CD3G: variants seen among roughly 807,000 people sequenced by gnomAD.
CD3G encodes CD3 gamma subunit of T-cell receptor complex, also known as T-cell surface glycoprotein CD3 gamma chain.
CD3G carries 24 observed loss-of-function variants against 28.3 expected under a neutral mutation model. That is an observed-to-expected ratio of 0.85 (90% CI 0.61 to 1.19). The LOEUF (loss-of-function observed/expected upper bound fraction) is 1.19. Ranked by LOEUF, CD3G falls within the 50% of genes most tolerant of loss-of-function variation. The pLI, the probability that CD3G is intolerant of heterozygous loss-of-function variation, is 0.00. For missense variants in CD3G, 211 were observed against 210.0 expected, an observed-to-expected ratio of 1.00 and a Z score of -0.03; for synonymous variants, 71 against 75.9, an observed-to-expected ratio of 0.93 and a Z score of 0.34.
rs1279061977 is a variant in CD3G at position 118,351,107 on chromosome 11, GA to G, written c.439+426del. ...GGAGGCTGAGGCAGGAGAATGGCAT[GA>G]ACCCGGGAGGCGGAGCTTGCGTGAG... On this transcript the variant is annotated intron_variant, in intron 4 of 6. Coordinates refer to ENST00000532917, the MANE Select transcript of CD3G (RefSeq NM_000073.3). Among the ~76,000 whole-genome samples, 5 of 144,896 alleles carry G rather than the reference GA, an allele frequency of 3.5e-5. No individual in the cohort carries two copies. The East Asian group carries it at 6.3e-4, about 18-fold the overall frequency.
intron 6 of CD3G, 53 bp downstream of exon 6, chr11:118,352,540 G>A (rs920088786): frequency 8.3e-6 from 10 of 1,199,898 alleles, no homozygotes; most frequent in Admixed American, 5.0e-5. Flanking sequence ...AACTGCCCTC[G>A]CAATTGCTTC....
rs748491126 is a variant in CD3G, at chr11:118,349,045, T to G, written c.74T>G (p.Ile25Ser). 1 of 1,614,172 alleles carries G rather than the reference T, an allele frequency of 6.2e-7. No individual in the cohort carries two copies. Among genetic ancestry groups the G allele is most frequent in the South Asian group, 1.1e-5 (1 of 91,082 alleles). ...TTTACAGGTACTTTGGCCCAGTCAA[T>G]CAAAGGTAGGAGAAATGGCTTCTTT... ...ILLQGTLAQS[I>S]KGNHLVKVYD... Residue 25 changes from isoleucine (I) to serine (S), a missense_variant, in exon 2 of 7, where the codon ATC becomes AGC. Coordinates refer to ENST00000532917, the MANE Select transcript of CD3G (RefSeq NM_000073.3).
At chr11:118,352,350 A>C in intron 5 of CD3G, 54 bp from the exon 6 acceptor site, 1 of 1,437,252 alleles carries the variant, frequency 7.0e-7, no homozygotes. Context: ...ACATGCATCA[A>C]ATTAATTAAT....
At chr11:118,349,327 T>G in intron 2 of CD3G, 1,133 of 1,343,500 alleles carry the variant, frequency 8.4e-4, no homozygotes, top group Non-Finnish European at 1.0e-3. Flanking sequence ...CAGTAGGTAT[T>G]GGCGTCACCT....
chr11:118,351,769 G>A, intron 5 of CD3G, 98 bp downstream of exon 5: 1 of 1,075,404 alleles, frequency 9.3e-7, no homozygotes, highest in Non-Finnish European at 1.4e-6. Context: ...ATACAGGTAA[G>A]AAACTGCTAA....
chr11:118,350,664 T>C lies in CD3G; in HGVS notation c.420T>C (p.Asp140=). 1.2e-6 allele frequency: 2 copies of C among 1,613,876 alleles called. No homozygotes were observed. The highest frequency in any genetic ancestry group is 1.7e-6 in the Non-Finnish European group (2 of 1,179,954). ...GGGTCTACTTCATTGCTGGACAGGATGGAGTTCGCCAGTCGAGAGGTAAAA... is the reference window on the plus strand; with the variant it reads ...GGGTCTACTTCATTGCTGGACAGGACGGAGTTCGCCAGTCGAGAGGTAAAA... ...AVGVYFIAGQ[D]GVRQSRASDK... The change falls in exon 4 of 7, where the codon GAT becomes GAC. Residue 140 remains aspartate, a synonymous_variant. Transcript: ENST00000532917.
chr11:118,350,642 T>C lies in CD3G; in HGVS notation c.398T>C (p.Val133Ala). 1 of 1,613,778 alleles carries C rather than the reference T, an allele frequency of 6.2e-7. No individual in the cohort carries two copies. The highest frequency in any genetic ancestry group is 1.1e-5 in the South Asian group (1 of 91,040). ...IVSIFVLAVG[V>A]YFIAGQDGVR... is the part of the protein sequence containing the mutation. ...AGCATTTTCGTCCTTGCTGTTGGGG[T>C]CTACTTCATTGCTGGACAGGATGGA... Residue 133 changes from valine (V) to alanine (A), a missense_variant, in exon 4 of 7, where the codon GTC becomes GCC. Physicochemically the swap from Val to Ala is moderately conservative, Grantham distance 64. Transcript: ENST00000532917.
intron 1 of CD3G, among the ~76,000 whole-genome samples, chr11:118,346,874 A>T (rs1201405846): frequency 1.3e-5 from 2 of 151,056 alleles, no homozygotes; most frequent in African/African-American, 4.9e-5. Flanking sequence ...TCCTTCCCTG[A>T]ATCCAATTTA....
Position 118,349,745 on chromosome 11 carries a change from A to C in CD3G, c.82A>C (p.Asn28His). ...QGTLAQSIKG[N>H]HLVKVYDYQE... ...AACCACGGCTTTTCTCATTTCAGGA[A>C]ACCACTTGGTTAAGGTGTATGACTA... Residue 28 changes from asparagine to histidine, a missense_variant and splice_region_variant, in exon 3 of 7, where the codon AAC becomes CAC. Transcript: ENST00000532917. 1.2e-6 allele frequency: 2 copies of C among 1,612,978 alleles called. No individual in the cohort carries two copies. Among genetic ancestry groups the C allele is most frequent in the Non-Finnish European group, 1.7e-6 (2 of 1,178,938 alleles).
At chr11:118,349,221 G>A (rs1431938927) in intron 2 of CD3G, 171 bp downstream of exon 2, 29 of 1,559,348 alleles carry the variant, frequency 1.9e-5, no homozygotes, top group South Asian at 1.6e-4. Flanking sequence ...AACCTGTTCC[G>A]GGCAGCTTGC....
rs1022472620 is a variant in CD3G, at chr11:118,354,162, A to G, written c.*1062A>G. 6.6e-6 allele frequency: 1 copy of G among 152,198 alleles called. No homozygotes were observed. Among genetic ancestry groups the G allele is most frequent in the Non-Finnish European group, 1.5e-5 (1 of 68,034 alleles). The allele number at this position is 152,198 out of a possible 1,614,324, so 9.4% of individuals were successfully genotyped here. A position where few individuals can be genotyped will look rare whatever the true frequency, so the allele number is the denominator to read the frequency against. ...TTTAAAAATAATTGCATTGAAGCAT[A>G]ATGTACATGCCATAAAATCCACCCA... On this transcript the variant is annotated 3_prime_UTR_variant, in exon 7 of 7. Transcript: ENST00000532917.
At chr11:118,344,563 C>T (rs1265566213) in intron 1 of CD3G, 85 bp downstream of exon 1, 4 of 1,185,034 alleles carry the variant, frequency 3.4e-6, no homozygotes, top group Non-Finnish European at 4.9e-6. Flanking sequence ...ATTGGTATCC[C>T]TAACCTTCAG....
chr11:118,349,281 T>A, intron 2 of CD3G: 1 of 1,442,620 alleles, frequency 6.9e-7, no homozygotes, highest in South Asian at 1.4e-5. Context: ...AGGACCCTAG[T>A]AGCTAGGGAC....
At position 118,350,602 on chromosome 11, in the gene CD3G, T is replaced by C; in HGVS notation, c.358T>C (p.Phe120Leu). 6.2e-7 allele frequency: 1 copy of C among 1,614,140 alleles called. No homozygotes were observed. The highest frequency in any genetic ancestry group is 8.5e-7 in the Non-Finnish European group (1 of 1,180,002). ...LNAATISGFL[F>L]AEIVSIFVLA... ...TGCAGCCACCATATCTGGCTTTCTC[T>C]TTGCTGAAATCGTCAGCATTTTCGT... is the stretch of plus-strand genomic sequence containing the variant. Residue 120 changes from phenylalanine to leucine, a missense_variant, in exon 4 of 7, where the codon TTT (phenylalanine) becomes CTT (leucine). By Grantham distance (22) the Phe-to-Leu change is conservative. Coordinates refer to ENST00000532917, the MANE Select transcript of CD3G (RefSeq NM_000073.3).
rs1364949118 is a variant in CD3G, at chr11:118,355,160, C to T, written c.*2060C>T. 4 of 151,686 alleles carry T rather than the reference C, an allele frequency of 2.6e-5. No homozygotes were observed. The highest frequency in any genetic ancestry group is 9.7e-5 in the African/African-American group (4 of 41,300). The allele number at this position is 151,686 out of a possible 1,614,324, so 9.4% of individuals were successfully genotyped here. On this transcript the variant is annotated 3_prime_UTR_variant, in exon 7 of 7. Coordinates refer to ENST00000532917, the MANE Select transcript of CD3G (RefSeq NM_000073.3). ...AACACAAATAAATTGAATTGTTGGGCACTTGTATTTGCATTTGTAATTTTA... is the reference window on the plus strand; with the variant it reads ...AACACAAATAAATTGAATTGTTGGGTACTTGTATTTGCATTTGTAATTTTA...
rs1189855513 is a variant in CD3G at position 118,349,637 on chromosome 11, A to C, written c.80-106A>C. 8.1e-6 allele frequency: 7 copies of C among 868,158 alleles called. No individual in the cohort carries two copies. The East Asian group carries it at 1.8e-4, about 22-fold the overall frequency. 53.8% of individuals were successfully genotyped at this position (868,158 alleles called of 1,614,324 possible). Reference sequence around the variant, plus strand: ...CAAGATCCCCATGTGATTCATGTGCACATCAAAGTTTGAGAAACACTACTC... The same window carrying C: ...CAAGATCCCCATGTGATTCATGTGCCCATCAAAGTTTGAGAAACACTACTC... On this transcript the variant is annotated intron_variant, in intron 2 of 6. Coordinates refer to ENST00000532917, the MANE Select transcript of CD3G (RefSeq NM_000073.3).
rs1565523083 is a variant in CD3G at position 118,352,562 on chromosome 11, C to T, written c.*18+75C>T. 4 of 1,002,332 alleles carry T rather than the reference C, an allele frequency of 4.0e-6. No individual in the cohort carries two copies. In the East Asian group the frequency reaches 9.5e-5, roughly 24 times the overall value. 62.1% of individuals were successfully genotyped at this position (1,002,332 alleles called of 1,614,324 possible). A position where few individuals can be genotyped will look rare whatever the true frequency, so the allele number is the denominator to read the frequency against. On this transcript the variant is annotated intron_variant, in intron 6 of 6. Coordinates refer to ENST00000532917, the MANE Select transcript of CD3G (RefSeq NM_000073.3). ...CTCGCAATTGCTTCTAAGTCTAGCTCCCTTCCCTAAGCGGCTATAAGCATC... is the reference window on the plus strand; with the variant it reads ...CTCGCAATTGCTTCTAAGTCTAGCTTCCTTCCCTAAGCGGCTATAAGCATC...
At chr11:118,345,755 G>A (rs1025865116) in intron 1 of CD3G, among the ~76,000 whole-genome samples, 3 of 152,060 alleles carry the variant, frequency 2.0e-5, no homozygotes, top group Non-Finnish European at 4.4e-5. Flanking sequence ...AAGTGCAAAC[G>A]GCACTGGCCA....
chr11:118,348,367 C>A (rs1237831445), intron 1 of CD3G, among the ~76,000 whole-genome samples: 2 of 152,042 alleles, frequency 1.3e-5, no homozygotes, highest in African/African-American at 2.4e-5. Flanking sequence ...GCTGTACTTC[C>A]TATTTCAGTT....
Sources: allele counts gnomAD v4.1 joint callset (sites outside exome capture counted in the v4.1 genomes callset), GRCh38; gene constraint gnomAD v4.1.1; transcripts MANE v1.5; gene names NCBI Gene and HGNC (gene_info 2026-07-23, HGNC 2026-07-21).